Variants in CCDC126 observed in about 807,000 individuals in gnomAD.
CCDC126 encodes the protein coiled-coil domain containing 126.
CCDC126 carries 5 observed loss-of-function variants against 11.7 expected under a neutral mutation model. The ratio of observed to expected loss-of-function variants is 0.43; its 90% confidence interval spans 0.22 to 0.90. The LOEUF (loss-of-function observed/expected upper bound fraction) is 0.90, where lower values mean the gene tolerates loss of function less well. Among genes scored for constraint, CCDC126 ranks in the 40% least tolerant of loss-of-function variants. The probability of loss-of-function intolerance (pLI) is 0.27; values close to 1 mark genes in which losing one functional copy is unlikely to be tolerated. For synonymous variants in CCDC126, 60 were observed against 61.9 expected (o/e 0.97, Z 0.14); for missense variants, 150 against 163.1 (o/e 0.92, Z 0.44).
intron 2 of CCDC126, among the ~76,000 whole-genome samples, chr7:23,607,768 T>C (rs1182374265): frequency 6.6e-6 from 1 of 152,130 alleles, no homozygotes; most frequent in East Asian, 1.9e-4. Context: ...ACGACTCAGG[T>C]TCCAGCAGAG....
At chr7:23,601,565 G>A (rs757114535) in intron 2 of CCDC126, among the ~76,000 whole-genome samples, 3 of 152,190 alleles carry the variant, frequency 2.0e-5, no homozygotes, top group Non-Finnish European at 4.4e-5. Context: ...AAACAGTGGA[G>A]TCCTGTGCTG....
chr7:23,615,636 TC>T (rs1782784309), intron 3 of CCDC126, among the ~76,000 whole-genome samples: 1 of 152,250 alleles, frequency 6.6e-6, no homozygotes, highest in South Asian at 2.1e-4. Context: ...GAGGGACTCT[TC>T]CTTACACTTG....
At position 23,643,085 on chromosome 7, in the gene CCDC126, A is replaced by G. The variant is rs910278172; in HGVS notation, c.393A>G (p.Lys131=). 3 of 1,614,060 alleles carry G rather than the reference A, an allele frequency of 1.9e-6. No individual in the cohort carries two copies. The African/African-American group carries it at 4.0e-5, about 22-fold the overall frequency. The change falls in exon 4 of 4, where the codon AAA becomes AAG. Residue 131 remains lysine (K), a synonymous_variant. Transcript: ENST00000307471. ...SGNLVPVTTN[K]RTNVSGSIR ...ATTTGGTGCCAGTAACCACAAATAAAAGAACGAATGTCTCGGGCAGTATCA... is the reference window on the plus strand; with the variant it reads ...ATTTGGTGCCAGTAACCACAAATAAGAGAACGAATGTCTCGGGCAGTATCA...
intron 3 of CCDC126, among the ~76,000 whole-genome samples, chr7:23,617,554 T>C (rs925160506): frequency 6.6e-6 from 1 of 152,062 alleles, no homozygotes; most frequent in East Asian, 1.9e-4. Context: ...GTATTCACTA[T>C]AGGATGATCT....
intron 3 of CCDC126, among the ~76,000 whole-genome samples, chr7:23,636,708 C>A (rs891273317): frequency 1.3e-5 from 2 of 148,884 alleles, no homozygotes; most frequent in Admixed American, 6.6e-5. Context: ...CGCCTGGCAG[C>A]CACCCCGTCT....
At chr7:23,617,108 G>A (rs957904722) in intron 3 of CCDC126, among the ~76,000 whole-genome samples, 3 of 151,894 alleles carry the variant, frequency 2.0e-5, no homozygotes, top group Non-Finnish European at 2.9e-5. Flanking sequence ...TAGCACTTTG[G>A]GAGGCTGGGC....
chr7:23,637,757 C>T (rs1783261236), intron 3 of CCDC126, among the ~76,000 whole-genome samples: 3 of 65,706 alleles, frequency 4.6e-5, no homozygotes, highest in Non-Finnish European at 6.6e-5. Flanking sequence ...AGGTGAGGGG[C>T]GCCTCTGCCC....
At chr7:23,621,766 G>A (rs1350537605) in intron 3 of CCDC126, among the ~76,000 whole-genome samples, 1 of 152,136 alleles carries the variant, frequency 6.6e-6, no homozygotes, top group Non-Finnish European at 1.5e-5. Context: ...TCAGTACCTA[G>A]TTTATTGAGA....
chr7:23,620,410 C>T (rs1217091285), intron 3 of CCDC126, among the ~76,000 whole-genome samples: 1 of 152,216 alleles, frequency 6.6e-6, no homozygotes, highest in Non-Finnish European at 1.5e-5. Flanking sequence ...ATATCCTTCA[C>T]CCACTTGTTG....
chr7:23,614,723 T>C (rs967219275), intron 3 of CCDC126, among the ~76,000 whole-genome samples: 1 of 152,220 alleles, frequency 6.6e-6, no homozygotes, highest in Non-Finnish European at 1.5e-5. Flanking sequence ...ATGAATCTCC[T>C]TGTACATCTT....
At position 23,643,476 on chromosome 7, in the gene CCDC126, AAC is replaced by A; in HGVS notation, c.*364_*365del. 1 of 170,916 alleles carries A rather than the reference AAC, an allele frequency of 5.9e-6. No homozygotes were observed. The highest frequency in any genetic ancestry group is 1.2e-5 in the Non-Finnish European group (1 of 80,528). The allele number at this position is 170,916 out of a possible 1,614,324, so 10.6% of individuals were successfully genotyped here. A position where few individuals can be genotyped will look rare whatever the true frequency, so the allele number is the denominator to read the frequency against. On this transcript the variant is annotated 3_prime_UTR_variant, in exon 4 of 4. Coordinates refer to ENST00000307471, the MANE Select transcript of CCDC126 (RefSeq NM_138771.4). The stretch of plus-strand genomic sequence containing the variant: ...CTATAACACATTTATTTAAGTATAT[AAC>A]ACGTTTTTTGGACAAGTGAAGAATG...
At chr7:23,637,338 T>A (rs867074206) in intron 3 of CCDC126, among the ~76,000 whole-genome samples, 1 of 14,040 alleles carries the variant, frequency 7.1e-5, no homozygotes, top group African/African-American at 3.2e-4. Flanking sequence ...CAGCCGCCCC[T>A]TCCGGGAGGT....
chr7:23,605,211 A>G (rs1782603606), intron 2 of CCDC126, among the ~76,000 whole-genome samples: 1 of 152,204 alleles, frequency 6.6e-6, no homozygotes, highest in African/African-American at 2.4e-5. Context: ...TGTTTTCCCT[A>G]GCATGGGTTT....
At chr7:23,606,218 C>G (rs1017775105) in intron 2 of CCDC126, among the ~76,000 whole-genome samples, 1 of 151,998 alleles carries the variant, frequency 6.6e-6, no homozygotes, top group Admixed American at 6.6e-5. Flanking sequence ...GCCACCACAC[C>G]CAGCTAATTT....
intron 3 of CCDC126, 58 bp downstream of exon 3, chr7:23,611,611 G>C (rs1162133401): frequency 7.7e-7 from 1 of 1,295,508 alleles, no homozygotes; most frequent in Admixed American, 1.8e-5. Flanking sequence ...AGATGGTTTT[G>C]GAAATTGAAC....
At chr7:23,621,678 C>G (rs971680335) in intron 3 of CCDC126, among the ~76,000 whole-genome samples, 1 of 152,128 alleles carries the variant, frequency 6.6e-6, no homozygotes, top group East Asian at 1.9e-4. Context: ...GGGAATGCTT[C>G]CAGTTTTTGC....
In CCDC126 at chr7:23,611,191, C is replaced by G; in HGVS notation, c.-125C>G. 1 of 661,872 alleles carries G rather than the reference C, an allele frequency of 1.5e-6. No homozygotes were observed. Among genetic ancestry groups the G allele is most frequent in the South Asian group, 1.8e-5 (1 of 54,532 alleles). 41.0% of individuals were successfully genotyped at this position (661,872 alleles called of 1,614,324 possible). ...TACAGAGTTAATAGAGTGGATACAA[C>G]CTTGCTGAAGATGAAGAATATACAA... On this transcript the variant is annotated 5_prime_UTR_variant, in exon 3 of 4. Transcript: ENST00000307471.
At chr7:23,633,878 AAAG>A (rs1783158155) in intron 3 of CCDC126, among the ~76,000 whole-genome samples, 1 of 152,210 alleles carries the variant, frequency 6.6e-6, no homozygotes. Context: ...AGAAAAAAGA[AAAG>A]AAGTGATTTC....
At chr7:23,635,244 G>A (rs772935324) in intron 3 of CCDC126, among the ~76,000 whole-genome samples, 17 of 152,326 alleles carry the variant, frequency 1.1e-4, no homozygotes, top group Admixed American at 2.6e-4. Context: ...CATTTGTCGA[G>A]TGTCTACTGT....
Sources: gnomAD v4.1 joint callset for allele counts (sites outside exome capture counted in the v4.1 genomes callset) on GRCh38, gnomAD v4.1.1 for gene constraint, MANE v1.5 for transcripts, NCBI Gene and HGNC (gene_info 2026-07-23, HGNC 2026-07-21) for gene names.